CDK6: variants seen among roughly 807,000 people sequenced by gnomAD.
CDK6 encodes cyclin-dependent kinase 6.
A neutral mutation model predicts 37.1 loss-of-function variants in CDK6; 6 were observed. The observed-to-expected ratio is 0.16, with a 90% CI of 0.09 to 0.32. The LOEUF is 0.32. Among genes scored for constraint, CDK6 ranks in the 10% least tolerant of loss-of-function variants. The pLI is 1.00. For missense variants in CDK6, 224 were observed against 418.9 expected (o/e 0.53, Z 4.06); for synonymous variants, 160 against 161.3 (o/e 0.99, Z 0.06).
intron 6 of CDK6, 141 bp downstream of exon 6, chr7:92,622,895 A>G: frequency 1.6e-6 from 1 of 609,948 alleles, no homozygotes; most frequent in Non-Finnish European, 3.0e-6. Context: ...TCCACTCACC[A>G]CACAAATAGT....
At chr7:92,698,884 T>G (rs1797779135) in intron 4 of CDK6, among the ~76,000 whole-genome samples, 2 of 152,146 alleles carry the variant, frequency 1.3e-5, no homozygotes, top group South Asian at 4.1e-4. Flanking sequence ...TGTAATTAAT[T>G]TATTTTTTTC....
At chr7:92,778,937 AT>A (rs1562962862) in intron 2 of CDK6, among the ~76,000 whole-genome samples, 1 of 143,718 alleles carries the variant, frequency 7.0e-6, no homozygotes, top group African/African-American at 2.6e-5. Flanking sequence ...ATATATATAT[AT>A]ATATATATAA....
At chr7:92,641,323 GCT>G (rs1796300268) in intron 5 of CDK6, among the ~76,000 whole-genome samples, 1 of 152,092 alleles carries the variant, frequency 6.6e-6, no homozygotes, top group African/African-American at 2.4e-5. Flanking sequence ...GTAAGACAAA[GCT>G]CTCTTTTCTC....
At chr7:92,748,497 C>A (rs1417293853) in intron 3 of CDK6, among the ~76,000 whole-genome samples, 1 of 152,178 alleles carries the variant, frequency 6.6e-6, no homozygotes, top group African/African-American at 2.4e-5. Context: ...GAATCTCCAT[C>A]CTTTATATCA....
chr7:92,644,224 T>G (rs1010043440), intron 5 of CDK6, among the ~76,000 whole-genome samples: 1 of 152,206 alleles, frequency 6.6e-6, no homozygotes, highest in Non-Finnish European at 1.5e-5. Context: ...TGGAGATTAC[T>G]CTTAAGGCAG....
At position 92,606,171 on chromosome 7, in the gene CDK6, G is replaced by T. The variant is rs1413715328; in HGVS notation, c.*8969C>A. ...GCCTGTAGATGGAGAGAAAACAGCAGCCTGGAATGTGGTTTATATTCTTGA... is the reference window on the plus strand; with the variant it reads ...GCCTGTAGATGGAGAGAAAACAGCATCCTGGAATGTGGTTTATATTCTTGA... On this transcript the variant is annotated 3_prime_UTR_variant, in exon 8 of 8. Transcript: ENST00000424848. 4.3e-6 allele frequency: 1 copy of T among 233,498 alleles called. No homozygotes were observed. The highest frequency in any genetic ancestry group is 2.2e-5 in the African/African-American group (1 of 45,348). The allele number at this position is 233,498 out of a possible 1,614,324, so 14.5% of individuals were successfully genotyped here.
intron 5 of CDK6, among the ~76,000 whole-genome samples, chr7:92,629,459 A>G (rs1384705019): frequency 6.6e-6 from 1 of 152,058 alleles, no homozygotes. Flanking sequence ...CCATTTTTCA[A>G]CTCAAAATTG....
chr7:92,726,849 C>T (rs1798523559), intron 3 of CDK6, among the ~76,000 whole-genome samples: 1 of 152,228 alleles, frequency 6.6e-6, no homozygotes, highest in African/African-American at 2.4e-5. Context: ...CATTTAACCT[C>T]TCTAAGGCTT....
At position 92,834,709 on chromosome 7, in the gene CDK6, C is replaced by T. The variant is rs1291788818; in HGVS notation, c.-367-1019G>A. ...GGTGGGGGGTTAAATCCTGCGCCTC[C>T]AGGGGTGAGAGAGAAGGTCTCTGTC... On this transcript the variant is annotated intron_variant, in intron 1 of 7. Transcript: ENST00000424848. This position sits in a 1 kb window ranked among gnomAD's most constrained non-coding sequence, Gnocchi z 4.6. Among the ~76,000 whole-genome samples, 9 of 152,032 alleles carry T rather than the reference C, an allele frequency of 5.9e-5. No individual in the cohort carries two copies. The South Asian group carries it at 1.5e-3, about 25-fold the overall frequency.
At chr7:92,753,265 TAC>T (rs1799229811) in intron 3 of CDK6, among the ~76,000 whole-genome samples, 2 of 152,094 alleles carry the variant, frequency 1.3e-5, no homozygotes. Flanking sequence ...AAAAATCATT[TAC>T]AGTCTACCCA....
At chr7:92,741,009 A>C (rs1798912060) in intron 3 of CDK6, among the ~76,000 whole-genome samples, 1 of 152,226 alleles carries the variant, frequency 6.6e-6, no homozygotes, top group Admixed American at 6.5e-5. Context: ...AAAACCAACA[A>C]GTTTACAATG....
At chr7:92,803,452 A>G (rs866692558) in intron 2 of CDK6, among the ~76,000 whole-genome samples, 1 of 152,202 alleles carries the variant, frequency 6.6e-6, no homozygotes, top group Non-Finnish European at 1.5e-5. Context: ...TGAATATCAC[A>G]TAGGTAACAA....
At chr7:92,746,592 C>T (rs1342586687) in intron 3 of CDK6, among the ~76,000 whole-genome samples, 3 of 152,078 alleles carry the variant, frequency 2.0e-5, no homozygotes, top group African/African-American at 7.2e-5. Flanking sequence ...ATTATATATA[C>T]ACAAATATTC....
At chr7:92,659,949 C>A (rs1285778028) in intron 5 of CDK6, among the ~76,000 whole-genome samples, 1 of 152,034 alleles carries the variant, frequency 6.6e-6, no homozygotes, top group African/African-American at 2.4e-5. Flanking sequence ...AGTGTGGGAA[C>A]AAGAAGGGCC....
At chr7:92,714,586 C>T (rs555354608) in intron 4 of CDK6, among the ~76,000 whole-genome samples, 1 of 152,142 alleles carries the variant, frequency 6.6e-6, no homozygotes, top group Non-Finnish European at 1.5e-5. Context: ...CTCCCTTCTA[C>T]ATGCCAGTCT....
chr7:92,743,512 A>G (rs1798983330), intron 3 of CDK6, among the ~76,000 whole-genome samples: 1 of 152,126 alleles, frequency 6.6e-6, no homozygotes, highest in South Asian at 2.1e-4. Context: ...CAACTAAATT[A>G]GAAAAAGACA....
intron 4 of CDK6, among the ~76,000 whole-genome samples, chr7:92,695,933 A>G (rs1797708330): frequency 6.6e-6 from 1 of 152,256 alleles, no homozygotes. Flanking sequence ...TCTCACGCAC[A>G]TCGGTTTCTG....
Position 92,656,602 on chromosome 7 carries a change from A to G in CDK6, c.647+14824T>C, listed in dbSNP as rs189843707. The stretch of plus-strand genomic sequence containing the variant: ...CATAAACACAATAAAACAAATGTAA[A>G]TGTTACACCACACTTTAAAGGAGTT... On this transcript the variant is annotated intron_variant, in intron 5 of 7. Transcript: ENST00000424848. 4.1e-4 allele frequency among the ~76,000 whole-genome samples: 62 copies of G among 152,334 alleles called. 1 individual carries two copies. In the East Asian group the frequency reaches 0.011, roughly 26 times the overall value.
intron 2 of CDK6, among the ~76,000 whole-genome samples, chr7:92,783,653 T>C (rs1193093703): frequency 1.3e-5 from 2 of 152,208 alleles, no homozygotes; most frequent in African/African-American, 2.4e-5. Flanking sequence ...AACCAAAAAA[T>C]GTTTTACATG....
Sources: gnomAD v4.1 joint callset for allele counts (sites outside exome capture counted in the v4.1 genomes callset) on GRCh38, gnomAD v4.1.1 for gene constraint, Gnocchi (gnomAD v3.1) non-coding constraint, MANE v1.5 for transcripts, NCBI Gene and HGNC (gene_info 2026-07-23, HGNC 2026-07-21) for gene names.